Variants in SMARCAL1 observed in about 807,000 individuals in gnomAD.
The protein encoded by SMARCAL1 is ATP-driven annealing helicase.
Under a neutral mutation model 94.5 loss-of-function variants are expected in SMARCAL1, and 58 were observed. The ratio of observed to expected loss-of-function variants is 0.61; its 90% CI spans 0.50 to 0.76. The LOEUF (loss-of-function observed/expected upper bound fraction) is 0.76. SMARCAL1 is among the 30% of genes least tolerant of loss of function. The pLI, the probability that SMARCAL1 is intolerant of heterozygous loss-of-function variation, is 0.00. For missense variants in SMARCAL1, 1,051 were observed against 1,177.9 expected, an observed-to-expected ratio of 0.89 and a Z score of 1.58; for synonymous variants, 422 against 455.1, an observed-to-expected ratio of 0.93 and a Z score of 0.93.
chr2:216,445,466 C>T (rs1694289766), intron 10 of SMARCAL1, among the ~76,000 whole-genome samples: 1 of 152,162 alleles, frequency 6.6e-6, no homozygotes, highest in Admixed American at 6.5e-5. Flanking sequence ...CTATAAGTAT[C>T]TGACAGAAGA....
At position 216,482,546 on chromosome 2, in the gene SMARCAL1, A is replaced by G. The variant is rs1695222947; in HGVS notation, c.2626-192A>G. Reference sequence around the variant, plus strand: ...ATGAGCACAGAGAGGGTAAGATGTCAGACACTAAAACAGTGAGGCTGCTTT... The same window carrying G: ...ATGAGCACAGAGAGGGTAAGATGTCGGACACTAAAACAGTGAGGCTGCTTT... On this transcript the variant is annotated intron_variant, in intron 17 of 17. Transcript: ENST00000357276. This position sits in a 1 kb window ranked among gnomAD's most constrained non-coding sequence, Gnocchi z 4.3. Among the ~76,000 whole-genome samples the G allele has an allele frequency of 6.6e-6, 1 of 152,216 alleles. No individual in the cohort carries two copies. The highest frequency in any genetic ancestry group is 6.5e-5 in the Admixed American group (1 of 15,288).
At chr2:216,431,081 C>A (rs760200842) in intron 7 of SMARCAL1, among the ~76,000 whole-genome samples, 1 of 152,196 alleles carries the variant, frequency 6.6e-6, no homozygotes, top group Non-Finnish European at 1.5e-5. Context: ...CTAGGCAGGC[C>A]CCCGCCCAGG....
Position 216,475,560 on chromosome 2 carries a change from A to G in SMARCAL1, c.2427+109A>G. The G allele has an allele frequency of 2.7e-6, 3 of 1,109,390 alleles. No homozygotes were observed. In the East Asian group the frequency reaches 7.1e-5, roughly 26 times the overall value. The allele number at this position is 1,109,390 out of a possible 1,614,324, so 68.7% of individuals were successfully genotyped here. A position where few individuals can be genotyped will look rare whatever the true frequency, so the allele number is the denominator to read the frequency against. ...GTGGTTTCCCTTTTATCCATTCATTATACTTCCCACAAGTCAGTTTTCACT... is the reference window on the plus strand; with the variant it reads ...GTGGTTTCCCTTTTATCCATTCATTGTACTTCCCACAAGTCAGTTTTCACT... On this transcript the variant is annotated intron_variant, in intron 15 of 17. Coordinates refer to ENST00000357276, the MANE Select transcript of SMARCAL1 (RefSeq NM_014140.4). This position sits in a 1 kb window ranked among gnomAD's most constrained non-coding sequence, Gnocchi z 4.4.
At chr2:216,472,559 C>A (rs1694990587) in intron 14 of SMARCAL1, among the ~76,000 whole-genome samples, 1 of 149,758 alleles carries the variant, frequency 6.7e-6, no homozygotes. Context: ...TAGAAAACAA[C>A]AGAAAAGTAA....
At position 216,432,741 on chromosome 2, in the gene SMARCAL1, G is replaced by C; in HGVS notation, c.1358G>C (p.Arg453Pro). The C allele has an allele frequency of 6.2e-7, 1 of 1,614,128 alleles. No homozygotes were observed. The highest frequency in any genetic ancestry group is 1.1e-5 in the South Asian group (1 of 91,090). ...GVNFAIAKGG[R>P]LLLADDMGLG... ...AGTTTTGCCATAGCCAAAGGAGGCCGCCTGCTGCTCGCTGACGACATGGGC... is the reference window on the plus strand; with the variant it reads ...AGTTTTGCCATAGCCAAAGGAGGCCCCCTGCTGCTCGCTGACGACATGGGC... The change falls in exon 8 of 18, where the codon CGC (arginine) becomes CCC (proline). Residue 453 changes from arginine to proline, a missense_variant. This residue lies in a region of SMARCAL1 where 642 missense variants were observed against 754.7 expected (regional missense o/e 0.85). Transcript: ENST00000357276.
intron 8 of SMARCAL1, among the ~76,000 whole-genome samples, chr2:216,434,199 G>A (rs1694023807): frequency 6.6e-6 from 1 of 152,006 alleles, no homozygotes; most frequent in South Asian, 2.1e-4. Flanking sequence ...TCTAGGAAGA[G>A]TCAGCCAGAC....
At chr2:216,465,748 A>G (rs1412162169) in intron 13 of SMARCAL1, among the ~76,000 whole-genome samples, 2 of 152,066 alleles carry the variant, frequency 1.3e-5, no homozygotes, top group South Asian at 2.1e-4. Flanking sequence ...CCAACTGATG[A>G]AATTACAATG....
intron 9 of SMARCAL1, 112 bp from the exon 10 acceptor site, chr2:216,438,308 C>A: frequency 1.1e-6 from 1 of 881,850 alleles, no homozygotes; most frequent in Non-Finnish European, 1.9e-6. Context: ...TGAGAAAGTG[C>A]TAAGGGAGCA....
At chr2:216,440,604 C>G (rs1183891089) in intron 10 of SMARCAL1, among the ~76,000 whole-genome samples, 1 of 152,190 alleles carries the variant, frequency 6.6e-6, no homozygotes, top group South Asian at 2.1e-4. Flanking sequence ...GGGCCACGCT[C>G]TTCCGCAACG....
intron 14 of SMARCAL1, among the ~76,000 whole-genome samples, chr2:216,468,305 A>G (rs1694878334): frequency 6.6e-6 from 1 of 152,240 alleles, no homozygotes; most frequent in Non-Finnish European, 1.5e-5. Flanking sequence ...GGGCTGTTCC[A>G]TTATTCTGCA....
At chr2:216,466,912 A>T (rs1049111638) in intron 13 of SMARCAL1, among the ~76,000 whole-genome samples, 29 of 152,336 alleles carry the variant, frequency 1.9e-4, no homozygotes, top group Non-Finnish European at 3.8e-4. Flanking sequence ...TTTACAGGGC[A>T]GTCCACGTAC....
In SMARCAL1 at chr2:216,475,272, G is replaced by A. The variant is rs763200185; in HGVS notation, c.2248G>A (p.Val750Met). 4 of 1,614,120 alleles carry A rather than the reference G, an allele frequency of 2.5e-6. No individual in the cohort carries two copies. Among genetic ancestry groups the A allele is most frequent in the Admixed American group, 1.7e-5 (1 of 60,020 alleles). ...AITQELERKH[V>M]QHIRIDGSTS... The stretch of plus-strand genomic sequence containing the variant: ...CTTCTGCCCCTTGTTCCTGCAGCAC[G>A]TGCAGCACATCCGCATCGATGGCTC... Residue 750 changes from valine to methionine, a missense_variant, in exon 15 of 18, where the codon GTG becomes ATG. Physicochemically the swap from Val to Met is conservative, Grantham distance 21. Transcript: ENST00000357276. The surrounding 1 kb of genome is among the most constrained non-coding windows in gnomAD (Gnocchi z 4.4).
intron 15 of SMARCAL1, 138 bp from the exon 16 acceptor site, chr2:216,476,971 A>T: frequency 1.4e-6 from 1 of 721,172 alleles, no homozygotes; most frequent in Non-Finnish European, 2.5e-6. Context: ...GGTTATTTCT[A>T]GGTCTGAGAC....
chr2:216,459,751 A>T (rs1487734008), intron 12 of SMARCAL1, among the ~76,000 whole-genome samples: 55 of 151,992 alleles, frequency 3.6e-4, no homozygotes, highest in African/African-American at 1.3e-3. Flanking sequence ...AACCTAGGCA[A>T]TACCATTCAG....
chr2:216,460,856 AG>A (rs765033912), intron 12 of SMARCAL1, among the ~76,000 whole-genome samples: 7 of 152,228 alleles, frequency 4.6e-5, no homozygotes, highest in Non-Finnish European at 1.0e-4. Context: ...ATTTAAAAAA[AG>A]AATCATCCTT....
intron 12 of SMARCAL1, among the ~76,000 whole-genome samples, chr2:216,455,189 A>G (rs1401918806): frequency 6.6e-6 from 1 of 152,182 alleles, no homozygotes; most frequent in East Asian, 1.9e-4. Context: ...GAGTAGGTAA[A>G]CAAAGCAGCT....
In SMARCAL1 at chr2:216,451,070, T is replaced by A. The variant is rs1257395990; in HGVS notation, c.2070+6T>A. ...TGACCACCAAGGACAAAACTGTGAG[T>A]CCAGGGCTGGAGACAGATTTGGAAG... On this transcript the variant is annotated splice_donor_region_variant and intron_variant, in intron 12 of 17. Coordinates refer to ENST00000357276, the MANE Select transcript of SMARCAL1 (RefSeq NM_014140.4). 1.9e-6 allele frequency: 3 copies of A among 1,611,344 alleles called. No individual in the cohort carries two copies. The highest frequency in any genetic ancestry group is 2.5e-6 in the Non-Finnish European group (3 of 1,177,780).
rs745621395 is a variant in SMARCAL1 at position 216,428,603 on chromosome 2, G to A, written c.1155G>A (p.Lys385=). Reference sequence around the variant, plus strand: ...TTCTGTTCTTCTTTTCAGTTGCAAAGGTGCGCTGCCTCCCACAAGTTCAGC... The same window carrying A: ...TTCTGTTCTTCTTTTCAGTTGCAAAAGTGCGCTGCCTCCCACAAGTTCAGC... ...LLEEHSKLIA[K]VRCLPQVQLD... is the part of the protein sequence containing the mutation. The change falls in exon 7 of 18, where the codon AAG becomes AAA. Residue 385 remains lysine (K), a synonymous_variant. Transcript: ENST00000357276. The A allele has an allele frequency of 1.9e-6, 3 of 1,613,736 alleles. No homozygotes were observed. The highest frequency in any genetic ancestry group is 1.1e-5 in the South Asian group (1 of 91,056).
chr2:216,414,605 T>C (rs1270984822), intron 2 of SMARCAL1, 42 bp from the exon 3 acceptor site: 2 of 1,002,468 alleles, frequency 2.0e-6, no homozygotes, highest in African/African-American at 3.2e-5. Context: ...TGACAATTAA[T>C]ACATGTAATG....
Sources: allele counts gnomAD v4.1 joint callset (sites outside exome capture counted in the v4.1 genomes callset), GRCh38; gene constraint gnomAD v4.1.1; regional missense constraint gnomAD v4.1.1; non-coding constraint Gnocchi (gnomAD v3.1); transcripts MANE v1.5; gene names NCBI Gene and HGNC (gene_info 2026-07-23, HGNC 2026-07-21).